The following PCAT7 variants were observed in gnomAD, a reference collection of about 807,000 sequenced individuals.
The protein encoded by PCAT7 is prostate cancer associated transcript 7, also known as prostate cancer associated transcript 7 (non-protein coding).
chr9:94,558,620 C>T (rs548828523), intron 1 of PCAT7: 1 of 339,378 alleles, frequency 2.9e-6, no homozygotes, highest in South Asian at 2.5e-5. Context: ...TCTATGTACT[C>T]TTTGCCCACA....
At chr9:94,571,280 C>T (rs1292201984) in intron 2 of PCAT7, among the ~76,000 whole-genome samples, 1 of 152,210 alleles carries the variant, frequency 6.6e-6, no homozygotes, top group Non-Finnish European at 1.5e-5. Context: ...AGTGCCCTCA[C>T]TGGGACAGAG....
chr9:94,558,758 G>T, intron 1 of PCAT7: 1 of 602,496 alleles, frequency 1.7e-6, no homozygotes. Context: ...CCTTCACATT[G>T]ACCATAGAAT....
At position 94,558,900 on chromosome 9, in the gene PCAT7, G is replaced by A. The variant is rs41281152; in HGVS notation, n.258-69G>A. ...TTCATTTAGGGTCCTTAGACAAGGTGCAAGACAAACAGAAGAGGGCATGTG... is the reference window on the plus strand; with the variant it reads ...TTCATTTAGGGTCCTTAGACAAGGTACAAGACAAACAGAAGAGGGCATGTG... On this transcript the variant is annotated intron_variant and non_coding_transcript_variant, in intron 1 of 8. Coordinates refer to ENST00000647389, the Ensembl canonical transcript of PCAT7. 8.0e-4 allele frequency: 1,273 copies of A among 1,596,210 alleles called. 3 individuals carry two copies. Among genetic ancestry groups the A allele is most frequent in the Admixed American group, 1.0e-3 (61 of 59,936 alleles).
At chr9:94,562,740 G>A (rs1315628691) in intron 2 of PCAT7, among the ~76,000 whole-genome samples, 2 of 152,104 alleles carry the variant, frequency 1.3e-5, no homozygotes, top group Non-Finnish European at 2.9e-5. Flanking sequence ...GGATCATAAG[G>A]TTCTCACTTG....
At chr9:94,564,214 T>C (rs1386658019) in intron 2 of PCAT7, among the ~76,000 whole-genome samples, 2 of 152,034 alleles carry the variant, frequency 1.3e-5, no homozygotes, top group African/African-American at 2.4e-5. Flanking sequence ...TACAGTAAAA[T>C]TGGAACACAC....
chr9:94,563,048 A>T (rs1587836490), intron 2 of PCAT7, among the ~76,000 whole-genome samples: 1 of 152,250 alleles, frequency 6.6e-6, no homozygotes, highest in East Asian at 1.9e-4. Flanking sequence ...AGTCAGATGC[A>T]GCCTGTGGAA....
chr9:94,567,425 G>A (rs770271913), intron 2 of PCAT7: 10 of 1,610,936 alleles, frequency 6.2e-6, no homozygotes, highest in Non-Finnish European at 7.6e-6. Context: ...CATGAAGAGA[G>A]ATGCCAGGAA....
At chr9:94,561,962 T>C (rs967771780) in intron 2 of PCAT7, among the ~76,000 whole-genome samples, 1 of 152,330 alleles carries the variant, frequency 6.6e-6, no homozygotes, top group East Asian at 1.9e-4. Flanking sequence ...TAGTAATAAC[T>C]GATCTTTATG....
At chr9:94,568,158 T>G (rs939297759) in intron 2 of PCAT7, 2 of 151,986 alleles carry the variant, frequency 1.3e-5, no homozygotes, top group African/African-American at 2.4e-5. Context: ...GTACAGTTAT[T>G]TTGTTTATGT....
At chr9:94,562,232 C>A (rs1241689239) in intron 2 of PCAT7, among the ~76,000 whole-genome samples, 1 of 149,014 alleles carries the variant, frequency 6.7e-6, no homozygotes, top group Non-Finnish European at 1.5e-5. Flanking sequence ...ATGGTGTGAA[C>A]CTGGGAGGCG....
At chr9:94,564,134 T>C (rs1486614370) in intron 2 of PCAT7, among the ~76,000 whole-genome samples, 1 of 152,206 alleles carries the variant, frequency 6.6e-6, no homozygotes, top group Non-Finnish European at 1.5e-5. Context: ...CAAATGGATC[T>C]GTTAGACATC....
chr9:94,573,616 T>C (rs779403904), intron 3 of PCAT7, among the ~76,000 whole-genome samples: 3 of 152,234 alleles, frequency 2.0e-5, no homozygotes, highest in Non-Finnish European at 4.4e-5. Flanking sequence ...CCTGTTGATA[T>C]GGTGGATTAC....
In PCAT7 at chr9:94,557,107, T is replaced by G. The variant is rs575678763; in HGVS notation, n.257+1797T>G. On this transcript the variant is annotated intron_variant and non_coding_transcript_variant, in intron 1 of 8. Coordinates refer to ENST00000647389, the Ensembl canonical transcript of PCAT7. ...CCTTTTATTGATAGTACCATACTGT[T>G]TTGATAGTACCATGCTTACCATAGA... Among the ~76,000 whole-genome samples the G allele has an allele frequency of 3.8e-4, 58 of 152,356 alleles. 1 individual carries two copies. The South Asian group carries it at 0.011, about 29-fold the overall frequency.
chr9:94,563,333 GAGA>G (rs1410727766), intron 2 of PCAT7: 2 of 1,613,502 alleles, frequency 1.2e-6, no homozygotes, highest in Non-Finnish European at 1.7e-6. Context: ...GTGGACAAGG[GAGA>G]ATTACCTTGC....
At chr9:94,555,112 CGTTTTTTTTGTTGTT>C (rs1204524672) in exon 1 of PCAT7, 1 of 151,974 alleles carries the variant, frequency 6.6e-6, no homozygotes, top group Non-Finnish European at 1.5e-5. Flanking sequence ...AGCAGAGTTA[CGTTTTTTTTGTTGTT>C]GTTTTTTTTG....
Position 94,565,962 on chromosome 9 carries a change from CAT to C in PCAT7, n.441+6811_441+6812del, listed in dbSNP as rs571424201. Among the ~76,000 whole-genome samples the C allele has an allele frequency of 1.7e-3, 259 of 152,244 alleles. 1 individual carries two copies. Among genetic ancestry groups the C allele is most frequent in the African/African-American group, 5.9e-3 (247 of 41,546 alleles). ...ATTGGGGAGAAACATCCTTGGCCCA[CAT>C]CTGCTTATTTTGAGAGTGTTCTGAG... On this transcript the variant is annotated intron_variant and non_coding_transcript_variant, in intron 2 of 8. Transcript: ENST00000647389.
intron 1 of PCAT7, chr9:94,558,903 A>G: frequency 6.2e-7 from 1 of 1,602,668 alleles, no homozygotes; most frequent in South Asian, 1.1e-5. Context: ...ACAAGGTGCA[A>G]GACAAACAGA....
chr9:94,557,192 ATTCTT>A (rs1249896697), intron 1 of PCAT7, among the ~76,000 whole-genome samples: 1 of 152,040 alleles, frequency 6.6e-6, no homozygotes, highest in East Asian at 1.9e-4. Context: ...TTTATTCCAG[ATTCTT>A]TTGTCTATCT....
intron 1 of PCAT7, among the ~76,000 whole-genome samples, chr9:94,556,355 C>T (rs1827012479): frequency 6.6e-6 from 1 of 151,290 alleles, no homozygotes; most frequent in African/African-American, 2.4e-5. Flanking sequence ...TGGGGAAAAG[C>T]GTGGTGAGCG....
Sources: allele counts gnomAD v4.1 joint callset (sites outside exome capture counted in the v4.1 genomes callset), GRCh38; gene constraint gnomAD v4.1.1; transcripts MANE v1.5; gene names NCBI Gene and HGNC (gene_info 2026-07-23, HGNC 2026-07-21).